GAA: variants seen among roughly 807,000 people sequenced by gnomAD.
GAA encodes alpha glucosidase, also known as lysosomal alpha-glucosidase.
In GAA, 88 loss-of-function variants were observed where a neutral mutation model predicts 103.9. The observed-to-expected ratio is 0.85, with a 90% confidence interval of 0.71 to 1.01. GAA has a LOEUF of 1.01. Ranked by LOEUF, GAA falls within the 50% of genes least tolerant of loss-of-function variation. The pLI is 0.00. For synonymous variants in GAA, 572 were observed against 563.1 expected, an observed-to-expected ratio of 1.02 and a Z score of -0.22; for missense variants, 1,350 against 1,305.3, an observed-to-expected ratio of 1.03 and a Z score of -0.53.
Position 80,117,116 on chromosome 17 carries a change from C to G in GAA, c.2331+7C>G. On this transcript the variant is annotated splice_region_variant and intron_variant, in intron 16 of 19. Transcript: ENST00000302262. ...ATGGTACGACCTGCAGACGGTGAGT[C>G]TGGGGACCCTAAGCCCTGGGGAGAC... 6.2e-7 allele frequency: 1 copy of G among 1,612,182 alleles called. No individual in the cohort carries two copies. Among genetic ancestry groups the G allele is most frequent in the African/African-American group, 1.3e-5 (1 of 75,052 alleles).
Position 80,108,272 on chromosome 17 carries a change from G to C in GAA, c.956-18G>C. ...GTGAAGAATCTGTCCCCCAACCCCA[G>C]AGCTGCTTCCCTTCCAGATGTGGTC... is the stretch of plus-strand genomic sequence containing the variant. On this transcript the variant is annotated intron_variant, in intron 5 of 19. Transcript: ENST00000302262. 6.2e-7 allele frequency: 1 copy of C among 1,613,468 alleles called. No individual in the cohort carries two copies. Among genetic ancestry groups the C allele is most frequent in the Non-Finnish European group, 8.5e-7 (1 of 1,180,006 alleles).
intron 9 of GAA, among the ~76,000 whole-genome samples, chr17:80,110,315 C>T (rs2039201707): frequency 6.6e-6 from 1 of 152,232 alleles, no homozygotes; most frequent in African/African-American, 2.4e-5. Flanking sequence ...TCAGTGAGGC[C>T]TTAGGGTCCT....
intron 9 of GAA, 36 bp from the exon 10 acceptor site, chr17:80,110,691 G>A (rs564231959): frequency 6.3e-7 from 1 of 1,585,046 alleles, no homozygotes; most frequent in East Asian, 2.2e-5. Context: ...CCCTGGGTGG[G>A]GCCGGGTCTC....
chr17:80,105,982 C>A, intron 3 of GAA, 88 bp downstream of exon 3: 1 of 1,481,656 alleles, frequency 6.7e-7, no homozygotes, highest in Non-Finnish European at 9.0e-7. Context: ...TTGTTTCTCA[C>A]ACGATGGGCA....
chr17:80,113,267 A>C lies in GAA; in HGVS notation c.2090A>C (p.Lys697Thr). Residue 697 changes from lysine (K) to threonine (T), a missense_variant, in exon 15 of 20, where the codon AAG (lysine) becomes ACG (threonine). Lys to Thr is a moderately conservative substitution (Grantham distance 78). Coordinates refer to ENST00000302262, the MANE Select transcript of GAA (RefSeq NM_000152.5). The part of the protein sequence containing the change: ...FSEPAQQAMR[K>T]ALTLRYALLP... ...GAGCCGGCCCAGCAGGCCATGAGGA[A>C]GGCCCTCACCCTGCGCTACGCACTC... is the stretch of plus-strand genomic sequence containing the variant. 1 of 1,602,436 alleles carries C rather than the reference A, an allele frequency of 6.2e-7. No homozygotes were observed. The highest frequency in any genetic ancestry group is 8.5e-7 in the Non-Finnish European group (1 of 1,175,026).
At chr17:80,107,504 G>T (rs2039113742) in intron 3 of GAA, 53 bp from the exon 4 acceptor site, 2 of 1,611,376 alleles carry the variant, frequency 1.2e-6, no homozygotes, top group African/African-American at 2.7e-5. Flanking sequence ...GGTGCTCTCA[G>T]GCTCGTGTGG....
intron 1 of GAA, among the ~76,000 whole-genome samples, chr17:80,102,985 T>C (rs996686602): frequency 5.3e-5 from 8 of 152,172 alleles, no homozygotes; most frequent in Non-Finnish European, 7.3e-5. Context: ...AGAAAAACCC[T>C]ACACATTTAA....
intron 1 of GAA, among the ~76,000 whole-genome samples, chr17:80,103,975 G>A (rs1347414139): frequency 2.0e-5 from 3 of 152,312 alleles, no homozygotes; most frequent in Middle Eastern, 6.8e-3. Context: ...TTATGCAGAA[G>A]TGGGGCTCCC....
At position 80,105,940 on chromosome 17, in the gene GAA, A is replaced by G. The variant is rs748451311; in HGVS notation, c.692+46A>G. 1.7e-5 allele frequency: 27 copies of G among 1,553,858 alleles called. No individual in the cohort carries two copies. In the East Asian group the frequency reaches 3.2e-4, roughly 18 times the overall value. On this transcript the variant is annotated intron_variant, in intron 3 of 19. Coordinates refer to ENST00000302262, the MANE Select transcript of GAA (RefSeq NM_000152.5). ...CAGCATGATGGGGAGGGCGACGCGC[A>G]TTTCTCACACGGCAGGGAGGGCCAC...
At chr17:80,110,894 C>T in intron 10 of GAA, 47 bp from the exon 11 acceptor site, 1 of 1,613,206 alleles carries the variant, frequency 6.2e-7, no homozygotes, top group African/African-American at 1.3e-5. Context: ...CTACCCCACC[C>T]TCCTCACTCT....
intron 15 of GAA, among the ~76,000 whole-genome samples, chr17:80,116,451 G>GACAGGGCAGAGCTGCGTC (rs1186088993): frequency 1.3e-5 from 2 of 152,228 alleles, no homozygotes; most frequent in African/African-American, 4.8e-5. Flanking sequence ...CAGGAAACAG[G>GACAGGGCAGAGCTGCGTC]ACAGGGCAGA....
Position 80,111,940 on chromosome 17 carries a change from G to T in GAA, c.1637-43G>T, listed in dbSNP as rs374340930. 3 of 1,555,776 alleles carry T rather than the reference G, an allele frequency of 1.9e-6. No homozygotes were observed. In the East Asian group the frequency reaches 6.7e-5, roughly 35 times the overall value. On this transcript the variant is annotated intron_variant, in intron 11 of 19. Transcript: ENST00000302262. ...GGGCAGGGAGGGCACCTTGGAGCCT[G>T]CCGGGAGGAAGCTCCCTGGAAACCA...
chr17:80,112,752 C>T (rs761089998), intron 13 of GAA, 41 bp downstream of exon 13: 33 of 1,589,324 alleles, frequency 2.1e-5, no homozygotes, highest in Middle Eastern at 1.7e-4. Flanking sequence ...AGAGTAGAGC[C>T]GGGGGCCTCT....
intron 14 of GAA, 44 bp downstream of exon 14, chr17:80,113,071 C>G: frequency 6.4e-7 from 1 of 1,572,378 alleles, no homozygotes; most frequent in Non-Finnish European, 8.6e-7. Context: ...ATCCCACCCA[C>G]CCAAGACTCT....
At chr17:80,117,819 A>G in intron 17 of GAA, 70 bp downstream of exon 17, 1 of 1,488,648 alleles carries the variant, frequency 6.7e-7, no homozygotes, top group Non-Finnish European at 9.0e-7. Context: ...GCACAGGGAG[A>G]TGGTGGGGGA....
Position 80,108,389 on chromosome 17 carries a change from A to C in GAA, c.1055A>C (p.Gln352Pro). The C allele has an allele frequency of 6.2e-7, 1 of 1,613,480 alleles. No homozygotes were observed. The highest frequency in any genetic ancestry group is 8.5e-7 in the Non-Finnish European group (1 of 1,180,030). The change falls in exon 6 of 20, where the codon CAG (glutamine) becomes CCG (proline). Residue 352 changes from glutamine (Q) to proline (P), a missense_variant. By Grantham distance (76) the Gln-to-Pro change is moderately conservative. Transcript: ENST00000302262. Reference protein sequence around the residue: ...FLGPEPKSVVQQYLDVVGYPF... With the variant: ...FLGPEPKSVVPQYLDVVGYPF... ...GGCCCAGAGCCCAAGAGCGTGGTGCAGCAGTACCTGGACGTTGTGGGTAGG... is the reference window on the plus strand; with the variant it reads ...GGCCCAGAGCCCAAGAGCGTGGTGCCGCAGTACCTGGACGTTGTGGGTAGG...
chr17:80,108,883 G>T, intron 8 of GAA, 55 bp downstream of exon 8: 2 of 1,540,460 alleles, frequency 1.3e-6, no homozygotes, highest in Middle Eastern at 2.2e-4. Flanking sequence ...GTGCCCAGTG[G>T]CTCCTTCTCT....
chr17:80,112,597 G>A lies in GAA; in HGVS notation c.1774G>A (p.Gly592Arg), dbSNP rs1387345310. ...CCCCAGGGCGCTGGTGAAGGCTCGG[G>A]GGACACGCCCATTTGTGATCTCCCG... The part of the protein sequence containing the change: ...ASHRALVKAR[G>R]TRPFVISRST... Residue 592 changes from glycine to arginine, a missense_variant, in exon 13 of 20, where the codon GGG becomes AGG. Coordinates refer to ENST00000302262, the MANE Select transcript of GAA (RefSeq NM_000152.5). The A allele has an allele frequency of 1.9e-6, 3 of 1,612,882 alleles. No homozygotes were observed. Among genetic ancestry groups the A allele is most frequent in the Non-Finnish European group, 1.7e-6 (2 of 1,179,970 alleles).
chr17:80,110,768 C>T lies in GAA; in HGVS notation c.1479C>T (p.Pro493=). ...CTGCCTTCCCCGACTTCACCAACCC[C>T]ACAGCCCTGGCCTGGTGGGAGGACA... ...GSTAFPDFTN[P]TALAWWEDMV... The change falls in exon 10 of 20, where the codon CCC becomes CCT. Residue 493 remains proline, a synonymous_variant. Transcript: ENST00000302262. The T allele has an allele frequency of 6.2e-7, 1 of 1,614,148 alleles. No individual in the cohort carries two copies. Among genetic ancestry groups the T allele is most frequent in the Non-Finnish European group, 8.5e-7 (1 of 1,180,024 alleles).
Sources: gnomAD v4.1 joint callset for allele counts (sites outside exome capture counted in the v4.1 genomes callset) on GRCh38, gnomAD v4.1.1 for gene constraint, MANE v1.5 for transcripts, NCBI Gene and HGNC (gene_info 2026-07-23, HGNC 2026-07-21) for gene names.